The following PRDM16 variants were observed in gnomAD, a reference collection of about 807,000 sequenced individuals.
The protein encoded by PRDM16 is histone-lysine N-methyltransferase PRDM16.
A neutral mutation model predicts 110.6 loss-of-function variants in PRDM16; 23 were observed. The observed-to-expected ratio is 0.21, with a 90% CI of 0.15 to 0.29. The LOEUF is 0.29. Among genes scored for constraint, PRDM16 ranks in the 10% least tolerant of loss-of-function variants. The pLI is 1.00. For synonymous variants in PRDM16, 799 were observed against 781.8 expected, an observed-to-expected ratio of 1.02 and a Z score of -0.37; for missense variants, 1,615 against 1,794.3, an observed-to-expected ratio of 0.90 and a Z score of 1.81.
rs373498957 is a variant in PRDM16 at position 3,367,657 on chromosome 1, C to A, written c.439-17495C>A. On this transcript the variant is annotated intron_variant, in intron 3 of 16. Transcript: ENST00000270722. ...AGGTTCACAAGGAGAACTTCTTCCC[C>A]GCTGTAGACTACGTGTATAAATAGA... Among the ~76,000 whole-genome samples, 31 of 152,272 alleles carry A rather than the reference C, an allele frequency of 2.0e-4. 1 individual carries two copies. Among genetic ancestry groups the A allele is most frequent in the African/African-American group, 7.5e-4 (31 of 41,560 alleles).
chr1:3,422,112 G>A (rs985670842), intron 12 of PRDM16, among the ~76,000 whole-genome samples: 1 of 151,042 alleles, frequency 6.6e-6, no homozygotes, highest in South Asian at 2.1e-4. Flanking sequence ...CAGGTGGACA[G>A]ACAGATGGAC....
intron 12 of PRDM16, among the ~76,000 whole-genome samples, chr1:3,419,893 A>G (rs913305877): frequency 2.6e-5 from 4 of 151,670 alleles, no homozygotes; most frequent in African/African-American, 9.7e-5. Flanking sequence ...TCATCTGTTC[A>G]GCGCTCACAG....
chr1:3,431,993 G>GTTAGC lies in PRDM16; in HGVS notation c.3552_3556dup (p.Leu1186Ter). 6.2e-7 allele frequency: 1 copy of GTTAGC among 1,613,902 alleles called. No individual in the cohort carries two copies. Among genetic ancestry groups the GTTAGC allele is most frequent in the Non-Finnish European group, 8.5e-7 (1 of 1,180,010 alleles). The stretch of plus-strand genomic sequence containing the variant: ...GTGCTGAGGACCACGAAGGCGGTCT[G>GTTAGC]TTAGCTTTGGAGCCGATGCCGACTT... On this transcript the variant is annotated frameshift_variant, in exon 16 of 17. Coordinates refer to ENST00000270722, the MANE Select transcript of PRDM16 (RefSeq NM_022114.4). LOFTEE classifies it high-confidence loss of function.
chr1:3,330,538 C>G (rs761431181), intron 3 of PRDM16, among the ~76,000 whole-genome samples: 2 of 152,194 alleles, frequency 1.3e-5, no homozygotes, highest in Non-Finnish European at 2.9e-5. Flanking sequence ...CACATCCCCT[C>G]TCAGCTCAGC....
intron 1 of PRDM16, among the ~76,000 whole-genome samples, 190 bp from the exon 2 acceptor site, chr1:3,185,935 C>T (rs1179084133): frequency 6.6e-6 from 1 of 152,244 alleles, no homozygotes; most frequent in African/African-American, 2.4e-5. Flanking sequence ...GAGCCTCTGA[C>T]ATCGAGTGAT....
chr1:3,162,600 C>A lies in PRDM16; in HGVS notation c.38-23525C>A, dbSNP rs532020831. ...AGGCCTGGTCTGGAAAATGACCAGG[C>A]TCCCAGGAAGTGAATCATTTAGGAT... On this transcript the variant is annotated intron_variant, in intron 1 of 16. Transcript: ENST00000270722. 7.2e-5 allele frequency among the ~76,000 whole-genome samples: 11 copies of A among 152,340 alleles called. No individual in the cohort carries two copies. The South Asian group carries it at 2.3e-3, about 32-fold the overall frequency.
At position 3,397,132 on chromosome 1, in the gene PRDM16, A is replaced by G. The variant is rs1643398273; in HGVS notation, c.676+539A>G. Among the ~76,000 whole-genome samples, 4 of 152,342 alleles carry G rather than the reference A, an allele frequency of 2.6e-5. No individual in the cohort carries two copies. In the South Asian group the frequency reaches 8.3e-4, roughly 32 times the overall value. ...GTGGATGATGGCATATGTATCTTTC[A>G]AAGCAAAATGTGCATCTGTAGCTAA... On this transcript the variant is annotated intron_variant, in intron 5 of 16. Transcript: ENST00000270722.
chr1:3,355,247 A>G (rs1642570826), intron 3 of PRDM16, among the ~76,000 whole-genome samples: 1 of 152,060 alleles, frequency 6.6e-6, no homozygotes, highest in Non-Finnish European at 1.5e-5. Context: ...AGGGGGAGGG[A>G]GAGGAGTACA....
intron 3 of PRDM16, among the ~76,000 whole-genome samples, chr1:3,319,938 G>GGGACGA (rs1326911958): frequency 1.3e-5 from 2 of 152,246 alleles, no homozygotes; most frequent in African/African-American, 4.8e-5. Context: ...GGGGCTCACA[G>GGGACGA]CTGTGTCCCA....
chr1:3,332,100 C>G (rs1047367440), intron 3 of PRDM16, among the ~76,000 whole-genome samples: 4 of 152,256 alleles, frequency 2.6e-5, no homozygotes, highest in Admixed American at 1.3e-4. Context: ...GGCCAAGCCC[C>G]CGACCCTCCT....
rs925010638 is a variant in PRDM16 at position 3,190,762 on chromosome 1, G to A, written c.387+4288G>A. ...TGCCTGGAGGAAATCACCCGTGAGC[G>A]CATTTGCTCGCCGTGGGGTCTGCAA... is the stretch of plus-strand genomic sequence containing the variant. On this transcript the variant is annotated intron_variant, in intron 2 of 16. Transcript: ENST00000270722. The surrounding 1 kb of genome is among the most constrained non-coding windows in gnomAD (Gnocchi z 5.0). Among the ~76,000 whole-genome samples the A allele has an allele frequency of 2.6e-5, 4 of 152,232 alleles. No individual in the cohort carries two copies. The highest frequency in any genetic ancestry group is 5.9e-5 in the Non-Finnish European group (4 of 68,038).
chr1:3,251,662 C>T (rs1490519908), intron 3 of PRDM16, among the ~76,000 whole-genome samples: 2 of 152,176 alleles, frequency 1.3e-5, no homozygotes, highest in Non-Finnish European at 2.9e-5. Context: ...AAGCAACTCC[C>T]ACAGCAGGGT....
chr1:3,282,421 G>C (rs1314524576), intron 3 of PRDM16, among the ~76,000 whole-genome samples: 1 of 152,196 alleles, frequency 6.6e-6, no homozygotes, highest in East Asian at 1.9e-4. Context: ...ACAGGCCAGG[G>C]TCACCCTCAG....
At chr1:3,315,852 CGAGGTGAGGGGCCCGGGATGAAT>C (rs1188168370) in intron 3 of PRDM16, among the ~76,000 whole-genome samples, 1 of 152,088 alleles carries the variant, frequency 6.6e-6, no homozygotes, top group Non-Finnish European at 1.5e-5. Flanking sequence ...AGCCGGGCTC[CGAGGTGAGGGGCCCGGGATGAAT>C]GAGGTGGGGG....
chr1:3,108,085 C>G (rs1484082032), intron 1 of PRDM16, among the ~76,000 whole-genome samples: 1 of 152,264 alleles, frequency 6.6e-6, no homozygotes, highest in Non-Finnish European at 1.5e-5. Flanking sequence ...CTTATTATCT[C>G]AGTTCCACAG....
At position 3,425,987 on chromosome 1, in the gene PRDM16, G is replaced by T. The variant is rs1638593152; in HGVS notation, c.3110-64G>T. The T allele has an allele frequency of 6.4e-7, 1 of 1,550,896 alleles. No individual in the cohort carries two copies. ...CCCAGGTGTACCCCGTTCGCGGTTG[G>T]TTTGCCCCACGGAGGGAGGGGTCCA... On this transcript the variant is annotated intron_variant, in intron 13 of 16. Transcript: ENST00000270722. The surrounding 1 kb of genome is among the most constrained non-coding windows in gnomAD (Gnocchi z 6.9).
chr1:3,288,878 G>T (rs1344597813), intron 3 of PRDM16, among the ~76,000 whole-genome samples: 1 of 152,180 alleles, frequency 6.6e-6, no homozygotes, highest in Non-Finnish European at 1.5e-5. Context: ...GGCCTCCTGG[G>T]TGTTCTCCTC....
At chr1:3,225,742 A>G (rs1639275080) in intron 2 of PRDM16, among the ~76,000 whole-genome samples, 1 of 152,216 alleles carries the variant, frequency 6.6e-6, no homozygotes. Context: ...GAATGAAGTC[A>G]GCAGTGTCTG....
chr1:3,416,265 G>A (rs1222016300), intron 10 of PRDM16, among the ~76,000 whole-genome samples: 2 of 152,220 alleles, frequency 1.3e-5, no homozygotes, highest in Non-Finnish European at 2.9e-5. Context: ...ACCAGCAGCA[G>A]CTGGATAAGT....
Sources: allele counts gnomAD v4.1 joint callset (sites outside exome capture counted in the v4.1 genomes callset), GRCh38; gene constraint gnomAD v4.1.1; non-coding constraint Gnocchi (gnomAD v3.1); transcripts MANE v1.5; gene names NCBI Gene and HGNC (gene_info 2026-07-23, HGNC 2026-07-21).